AFG2A: variants seen among roughly 807,000 people sequenced by gnomAD.
The protein encoded by AFG2A is AAA ATPase AFG2A.
At chr4:123,285,164 C>T in the AFG2A span, among the ~76,000 whole-genome samples, 1 of 151,976 alleles carries the variant, frequency 6.6e-6, no homozygotes, top group East Asian at 1.9e-4. Flanking sequence ...TCCTTCTCTC[C>T]AATTATAATA....
chr4:123,141,987 C>T, the AFG2A span, among the ~76,000 whole-genome samples: 12 of 152,232 alleles, frequency 7.9e-5, no homozygotes, highest in African/African-American at 2.4e-4. Context: ...TATTTGAATT[C>T]GTATGGTCTT....
the AFG2A span, among the ~76,000 whole-genome samples, chr4:123,047,112 C>T: frequency 6.6e-6 from 1 of 152,022 alleles, no homozygotes; most frequent in African/African-American, 2.4e-5. Context: ...GTAGTAAACC[C>T]AGTAGTGGAA....
the AFG2A span, among the ~76,000 whole-genome samples, chr4:123,060,988 T>C: frequency 6.6e-6 from 1 of 152,188 alleles, no homozygotes; most frequent in Non-Finnish European, 1.5e-5. Flanking sequence ...ACCAGTCTCT[T>C]TGTATAGCAA....
At chr4:123,155,717 T>A in the AFG2A span, among the ~76,000 whole-genome samples, 1 of 152,210 alleles carries the variant, frequency 6.6e-6, no homozygotes, top group African/African-American at 2.4e-5. Context: ...TAGGTCATAA[T>A]CAAGTAGATA....
At chr4:123,002,956 T>C in the AFG2A span, among the ~76,000 whole-genome samples, 33 of 152,316 alleles carry the variant, frequency 2.2e-4, no homozygotes, top group African/African-American at 7.7e-4. Context: ...CAGATGCAGA[T>C]TTGGTCTTTT....
chr4:122,962,290 G>A, the AFG2A span, among the ~76,000 whole-genome samples: 38 of 152,292 alleles, frequency 2.5e-4, no homozygotes, highest in Middle Eastern at 3.4e-3. Context: ...TACAAGGGAC[G>A]TATTATTGTA....
chr4:123,083,226 C>A, the AFG2A span, among the ~76,000 whole-genome samples: 1 of 152,238 alleles, frequency 6.6e-6, no homozygotes, highest in Non-Finnish European at 1.5e-5. Context: ...AGAAAAGCTT[C>A]TAATTTCTCA....
the AFG2A span, among the ~76,000 whole-genome samples, chr4:122,954,254 C>A: frequency 1.3e-5 from 2 of 152,108 alleles, no homozygotes; most frequent in African/African-American, 4.8e-5. Flanking sequence ...AGTATAACAC[C>A]CTCCATCCCC....
At chr4:123,175,149 A>AT in the AFG2A span, among the ~76,000 whole-genome samples, 128 of 150,802 alleles carry the variant, frequency 8.5e-4, no homozygotes, top group African/African-American at 2.3e-3. Context: ...TCAGGGATAC[A>AT]TTTTTTTTTG....
At chr4:123,221,101 G>A in the AFG2A span, among the ~76,000 whole-genome samples, 1 of 152,138 alleles carries the variant, frequency 6.6e-6, no homozygotes, top group African/African-American at 2.4e-5. Flanking sequence ...CCTGAAATGT[G>A]GCTTTTCCAG....
At chr4:123,104,088 C>CT in the AFG2A span, among the ~76,000 whole-genome samples, 1 of 152,102 alleles carries the variant, frequency 6.6e-6, no homozygotes, top group South Asian at 2.1e-4. Context: ...GTTTATTGCA[C>CT]TTTGCAAGTA....
the AFG2A span, among the ~76,000 whole-genome samples, chr4:123,135,531 A>G: frequency 6.6e-6 from 1 of 152,332 alleles, no homozygotes; most frequent in South Asian, 2.1e-4. Context: ...TGGGTTCTGC[A>G]TCTTTGGATT....
chr4:123,312,715 A>G, the AFG2A span, among the ~76,000 whole-genome samples: 50 of 152,340 alleles, frequency 3.3e-4, no homozygotes, highest in Non-Finnish European at 6.5e-4. Context: ...ATTAACATGC[A>G]TAACCACTAC....
At chr4:123,006,455 A>G in the AFG2A span, among the ~76,000 whole-genome samples, 1 of 152,068 alleles carries the variant, frequency 6.6e-6, no homozygotes, top group Non-Finnish European at 1.5e-5. Flanking sequence ...GAAAAAAAAA[A>G]TTTCTTCAAA....
the AFG2A span, chr4:122,947,508 G>C: frequency 4.4e-6 from 7 of 1,576,880 alleles, no homozygotes; most frequent in Non-Finnish European, 6.0e-6. Flanking sequence ...GTTTGCTATG[G>C]TGAGTCTCTA....
chr4:122,969,908 C>A, the AFG2A span, among the ~76,000 whole-genome samples: 1 of 152,228 alleles, frequency 6.6e-6, no homozygotes, highest in South Asian at 2.1e-4. Flanking sequence ...GACTGCATAA[C>A]GATGTTTTAG....
At chr4:123,003,075 C>T in the AFG2A span, among the ~76,000 whole-genome samples, 6 of 152,072 alleles carry the variant, frequency 3.9e-5, no homozygotes, top group Admixed American at 3.9e-4. Flanking sequence ...TCACTGATAC[C>T]CTTTCTTCCA....
the AFG2A span, among the ~76,000 whole-genome samples, chr4:123,199,462 GTTTTTTTTT>G: frequency 6.3e-5 from 3 of 47,412 alleles, no homozygotes; most frequent in Admixed American, 3.0e-4. Context: ...ATACTCAGAG[GTTTTTTTTT>G]TTTTTTTTTT....
the AFG2A span, among the ~76,000 whole-genome samples, chr4:123,300,647 T>C: frequency 6.6e-6 from 1 of 152,214 alleles, no homozygotes; most frequent in Non-Finnish European, 1.5e-5. Flanking sequence ...TACACATAGT[T>C]AATACATGCC....
Sources: gnomAD v4.1 joint callset for allele counts (sites outside exome capture counted in the v4.1 genomes callset) on GRCh38, gnomAD v4.1.1 for gene constraint, MANE v1.5 for transcripts, NCBI Gene and HGNC (gene_info 2026-07-23, HGNC 2026-07-21) for gene names.